The following GALNTL6 variants were observed in gnomAD, a reference collection of about 807,000 sequenced individuals.
GALNTL6 encodes the protein polypeptide N-acetylgalactosaminyltransferase like 6.
Under a neutral mutation model 73.7 loss-of-function variants are expected in GALNTL6, and 46 were observed. That is an observed-to-expected ratio of 0.62 (90% CI 0.49 to 0.80). The LOEUF (loss-of-function observed/expected upper bound fraction) is 0.80. Among genes scored for constraint, GALNTL6 ranks in the 30% least tolerant of loss-of-function variants. GALNTL6 has a pLI of 0.00. For missense variants in GALNTL6, 604 were observed against 755.0 expected (o/e 0.80, Z 2.34); for synonymous variants, 259 against 263.7 (o/e 0.98, Z 0.17).
rs536738782 is a variant in GALNTL6 at position 172,788,665 on chromosome 4, C to A, written c.554-20696C>A. ...CCAGCCTGAGGGACAGGGCAAGACT[C>A]CGTCTCAAAAAAAAAAAAAAAAAAA... On this transcript the variant is annotated intron_variant, in intron 5 of 12. Coordinates refer to ENST00000506823, the MANE Select transcript of GALNTL6 (RefSeq NM_001034845.3). Among the ~76,000 whole-genome samples, 4 of 130,356 alleles carry A rather than the reference C, an allele frequency of 3.1e-5. No individual in the cohort carries two copies. In the East Asian group the frequency reaches 9.8e-4, roughly 32 times the overall value. The allele number at this position is 130,356 out of a possible 152,430, so 85.5% of individuals were successfully genotyped here. A position where few individuals can be genotyped will look rare whatever the true frequency, so the allele number is the denominator to read the frequency against.
chr4:172,108,657 G>A (rs1218462184), intron 2 of GALNTL6, among the ~76,000 whole-genome samples: 1 of 152,006 alleles, frequency 6.6e-6, no homozygotes, highest in Non-Finnish European at 1.5e-5. Context: ...CTTGTGGTTC[G>A]ATCAAGTTGA....
At chr4:172,927,275 G>T (rs568039839) in intron 8 of GALNTL6, among the ~76,000 whole-genome samples, 1 of 152,314 alleles carries the variant, frequency 6.6e-6, no homozygotes, top group South Asian at 2.1e-4. Context: ...TAAATACAAA[G>T]GAGCTGGGAA....
At chr4:172,886,085 C>T (rs1579610143) in intron 8 of GALNTL6, among the ~76,000 whole-genome samples, 3 of 152,260 alleles carry the variant, frequency 2.0e-5, no homozygotes, top group Middle Eastern at 3.4e-3. Flanking sequence ...ATTCCCTCCT[C>T]TTCAATTTTT....
At chr4:171,953,067 G>A (rs1468865795) in intron 2 of GALNTL6, among the ~76,000 whole-genome samples, 2 of 152,094 alleles carry the variant, frequency 1.3e-5, no homozygotes, top group South Asian at 2.1e-4. Flanking sequence ...TATTCAAAGA[G>A]GCGTAAGGAC....
At chr4:171,849,670 A>G (rs188267334) in intron 2 of GALNTL6, among the ~76,000 whole-genome samples, 1 of 152,302 alleles carries the variant, frequency 6.6e-6, no homozygotes, top group Non-Finnish European at 1.5e-5. Flanking sequence ...TTATCTGTAT[A>G]CCTATTATTA....
intron 2 of GALNTL6, among the ~76,000 whole-genome samples, chr4:172,035,939 T>C (rs1741917499): frequency 6.6e-6 from 1 of 152,136 alleles, no homozygotes; most frequent in Non-Finnish European, 1.5e-5. Flanking sequence ...AGTTATCTTT[T>C]ATGAAAATTA....
intron 2 of GALNTL6, among the ~76,000 whole-genome samples, chr4:171,939,989 T>C (rs1738476972): frequency 6.6e-6 from 1 of 152,176 alleles, no homozygotes; most frequent in Non-Finnish European, 1.5e-5. Context: ...CACAATCATA[T>C]GTATGTGTCT....
At chr4:172,820,997 C>A (rs1215827829) in intron 7 of GALNTL6, among the ~76,000 whole-genome samples, 2 of 152,208 alleles carry the variant, frequency 1.3e-5, no homozygotes, top group Non-Finnish European at 2.9e-5. Flanking sequence ...AACCACAGAT[C>A]TTGCCGGAAC....
At chr4:171,919,413 T>C (rs1737717601) in intron 2 of GALNTL6, among the ~76,000 whole-genome samples, 1 of 152,112 alleles carries the variant, frequency 6.6e-6, no homozygotes, top group Non-Finnish European at 1.5e-5. Context: ...TTTCATTATG[T>C]ATGGGTCAGA....
intron 2 of GALNTL6, among the ~76,000 whole-genome samples, chr4:172,092,769 C>T (rs111627515): frequency 7.9e-5 from 12 of 151,618 alleles, no homozygotes; most frequent in African/African-American, 2.9e-4. Flanking sequence ...GTGAAGTTTA[C>T]AACACTTTTT....
At chr4:172,270,195 G>A (rs559894016) in intron 3 of GALNTL6, among the ~76,000 whole-genome samples, 1 of 152,004 alleles carries the variant, frequency 6.6e-6, no homozygotes, top group South Asian at 2.1e-4. Flanking sequence ...GTGTATGTGT[G>A]TGTGTGTATA....
intron 10 of GALNTL6, among the ~76,000 whole-genome samples, chr4:172,965,068 T>G (rs976841582): frequency 1.3e-5 from 2 of 152,222 alleles, no homozygotes; most frequent in African/African-American, 4.8e-5. Flanking sequence ...CAGAGATGAT[T>G]TATCATTCAG....
Position 171,942,947 on chromosome 4 carries a change from T to A in GALNTL6, c.138+128229T>A, listed in dbSNP as rs527768354. 4.6e-5 allele frequency among the ~76,000 whole-genome samples: 7 copies of A among 152,290 alleles called. No homozygotes were observed. In the South Asian group the frequency reaches 6.2e-4, roughly 14 times the overall value. ...CTCAAAACCAATATTCATGAGTAAG[T>A]AACTAAATGACTGTGCTCCAAAAGC... is the stretch of plus-strand genomic sequence containing the variant. On this transcript the variant is annotated intron_variant, in intron 2 of 12. Transcript: ENST00000506823.
intron 5 of GALNTL6, among the ~76,000 whole-genome samples, chr4:172,353,367 C>T (rs1011871446): frequency 6.6e-6 from 1 of 152,112 alleles, no homozygotes; most frequent in Non-Finnish European, 1.5e-5. Context: ...TCTCCTGTTT[C>T]TTACATGTTA....
rs562857065 is a variant in GALNTL6, at chr4:172,123,707, G to T, written c.139-105949G>T. On this transcript the variant is annotated intron_variant, in intron 2 of 12. Transcript: ENST00000506823. Reference sequence around the variant, plus strand: ...AGTAGAGATGGGTTTCACCATGTTGGCCAGGATGGTCTTGATCTCTTGACC... The same window carrying T: ...AGTAGAGATGGGTTTCACCATGTTGTCCAGGATGGTCTTGATCTCTTGACC... Among the ~76,000 whole-genome samples, 20 of 151,924 alleles carry T rather than the reference G, an allele frequency of 1.3e-4. No individual in the cohort carries two copies. The East Asian group carries it at 3.7e-3, about 28-fold the overall frequency.
intron 2 of GALNTL6, among the ~76,000 whole-genome samples, chr4:172,215,851 G>C (rs1174941158): frequency 1.3e-5 from 2 of 151,864 alleles, no homozygotes; most frequent in Non-Finnish European, 2.9e-5. Flanking sequence ...CCCTTTCATA[G>C]GCATCAATTA....
chr4:171,905,275 G>A (rs1737238979), intron 2 of GALNTL6, among the ~76,000 whole-genome samples: 1 of 151,792 alleles, frequency 6.6e-6, no homozygotes, highest in Non-Finnish European at 1.5e-5. Flanking sequence ...ACACACATAG[G>A]CTCAAAATAA....
intron 5 of GALNTL6, among the ~76,000 whole-genome samples, chr4:172,707,645 A>G (rs571934782): frequency 6.6e-6 from 1 of 152,314 alleles, no homozygotes; most frequent in South Asian, 2.1e-4. Context: ...CTTTATTCAG[A>G]CCTGTCAGGT....
intron 5 of GALNTL6, among the ~76,000 whole-genome samples, chr4:172,470,323 G>A (rs1333584711): frequency 6.6e-6 from 1 of 152,104 alleles, no homozygotes; most frequent in Non-Finnish European, 1.5e-5. Context: ...CTTAACTAGT[G>A]CATTTACCTA....
Sources: allele counts gnomAD v4.1 joint callset (sites outside exome capture counted in the v4.1 genomes callset), GRCh38; gene constraint gnomAD v4.1.1; transcripts MANE v1.5; gene names NCBI Gene and HGNC (gene_info 2026-07-23, HGNC 2026-07-21).